The following LACTB2 variants were observed in gnomAD, a reference collection of about 807,000 sequenced individuals.
The protein encoded by LACTB2 is endoribonuclease LACTB2.
A neutral mutation model predicts 34.8 loss-of-function variants in LACTB2; 32 were observed. The ratio of observed to expected loss-of-function variants is 0.92; its 90% CI spans 0.69 to 1.24. The LOEUF (loss-of-function observed/expected upper bound fraction) is 1.24, where lower values mean the gene tolerates loss of function less well. Among genes scored for constraint, LACTB2 ranks in the 50% most tolerant of loss-of-function variants. The pLI, the probability that LACTB2 is intolerant of heterozygous loss-of-function variation, is 0.00. For synonymous variants in LACTB2, 120 were observed against 117.5 expected, an observed-to-expected ratio of 1.02 and a Z score of -0.14; for missense variants, 320 against 345.0, an observed-to-expected ratio of 0.93 and a Z score of 0.57.
At chr8:70,646,901 G>A (rs1207057659) in intron 3 of LACTB2, among the ~76,000 whole-genome samples, 1 of 152,126 alleles carries the variant, frequency 6.6e-6, no homozygotes, top group Non-Finnish European at 1.5e-5. Context: ...TACCTCACAA[G>A]GTTATGAGTT....
Position 70,649,648 on chromosome 8 carries a change from T to C in LACTB2, c.414-5405A>G, listed in dbSNP as rs527339179. Among the ~76,000 whole-genome samples, 7 of 152,272 alleles carry C rather than the reference T, an allele frequency of 4.6e-5. 1 individual carries two copies. The South Asian group carries it at 1.5e-3, about 32-fold the overall frequency. On this transcript the variant is annotated intron_variant, in intron 3 of 6. Coordinates refer to ENST00000276590, the MANE Select transcript of LACTB2 (RefSeq NM_016027.3). ...AAGTGGGAGAAGAGGAAAACCCAAT[T>C]CTAATTTTTTCTTAGTGGAAAGTTA...
chr8:70,645,790 C>T (rs1818257076), intron 3 of LACTB2, among the ~76,000 whole-genome samples: 1 of 151,832 alleles, frequency 6.6e-6, no homozygotes, highest in Admixed American at 6.6e-5. Flanking sequence ...TGATGGTTTC[C>T]AGCTTCATCC....
intron 3 of LACTB2, among the ~76,000 whole-genome samples, chr8:70,651,458 G>A (rs1425723860): frequency 1.3e-5 from 2 of 152,094 alleles, no homozygotes; most frequent in Non-Finnish European, 2.9e-5. Flanking sequence ...TTTGTGTGGC[G>A]ATGTGTCATA....
At chr8:70,657,259 G>A (rs1462910538) in intron 3 of LACTB2, among the ~76,000 whole-genome samples, 2 of 151,946 alleles carry the variant, frequency 1.3e-5, no homozygotes, top group African/African-American at 2.4e-5. Context: ...TTAAAACAAT[G>A]GTAATCATAT....
chr8:70,641,179 G>A (rs932169109), intron 4 of LACTB2, 129 bp from the exon 5 acceptor site: 13 of 843,818 alleles, frequency 1.5e-5, no homozygotes, highest in Admixed American at 3.9e-5. Flanking sequence ...TGTCAAATAT[G>A]AACTATTTGG....
chr8:70,640,966 G>T lies in LACTB2; in HGVS notation c.677C>A (p.Thr226Lys). The T allele has an allele frequency of 1.2e-6, 2 of 1,609,272 alleles. No individual in the cohort carries two copies. Among genetic ancestry groups the T allele is most frequent in the Non-Finnish European group, 1.7e-6 (2 of 1,178,510 alleles). Residue 226 changes from threonine (T) to lysine (K), a missense_variant, in exon 5 of 7, where the codon ACA (threonine) becomes AAA (lysine). Thr to Lys is a moderately conservative substitution (Grantham distance 78). Transcript: ENST00000276590. ...TTTCTCAAAGTTCTCACGAAATAAT[G>T]TAAGAATTTGCTGCTCTCGAATATT... ...HRNIREQQILTLFRENFEKSF... is the reference protein window; with the variant it reads ...HRNIREQQILKLFRENFEKSF...
At chr8:70,645,087 T>C (rs968670794) in intron 3 of LACTB2, among the ~76,000 whole-genome samples, 3 of 152,000 alleles carry the variant, frequency 2.0e-5, no homozygotes, top group Non-Finnish European at 2.9e-5. Context: ...CATATACACA[T>C]ATATACATAT....
chr8:70,637,579 A>C lies in LACTB2; in HGVS notation c.*281T>G, dbSNP rs1438470654. The C allele has an allele frequency of 1.5e-5, 3 of 194,074 alleles. No individual in the cohort carries two copies. Among genetic ancestry groups the C allele is most frequent in the Non-Finnish European group, 3.1e-5 (3 of 95,712 alleles). The allele number at this position is 194,074 out of a possible 1,614,324, so 12.0% of individuals were successfully genotyped here. The stretch of plus-strand genomic sequence containing the variant: ...AACTTTAAATTAGATAAATTTTATT[A>C]TTTTTAAAGTAATCATTTTATTTAA... On this transcript the variant is annotated 3_prime_UTR_variant, in exon 7 of 7. Transcript: ENST00000276590.
intron 3 of LACTB2, among the ~76,000 whole-genome samples, chr8:70,651,449 T>C (rs2132074573): frequency 6.6e-6 from 1 of 152,298 alleles, no homozygotes; most frequent in Admixed American, 6.5e-5. Context: ...ACATGTGTCT[T>C]TGTGTGGCGA....
intron 1 of LACTB2, among the ~76,000 whole-genome samples, chr8:70,664,165 A>G (rs934718448): frequency 3.3e-5 from 5 of 152,172 alleles, no homozygotes; most frequent in Admixed American, 6.5e-5. Context: ...GGTCCTCACA[A>G]AAAGAATACT....
At chr8:70,643,933 A>T (rs1246388304) in intron 4 of LACTB2, 132 bp downstream of exon 4, 6 of 855,852 alleles carry the variant, frequency 7.0e-6, no homozygotes, top group East Asian at 3.1e-5. Context: ...ATGCCTGTAT[A>T]CCCAGCGCTT....
chr8:70,660,318 A>G (rs1162432406), intron 2 of LACTB2: 1 of 293,142 alleles, frequency 3.4e-6, no homozygotes, highest in Non-Finnish European at 6.6e-6. Context: ...GACAAAATTA[A>G]AAGAGGTAAG....
intron 1 of LACTB2, among the ~76,000 whole-genome samples, chr8:70,665,577 C>G (rs140905658): frequency 6.6e-6 from 1 of 152,160 alleles, no homozygotes; most frequent in Non-Finnish European, 1.5e-5. Flanking sequence ...ATGTTTTCCA[C>G]GTGCTAGAAC....
At chr8:70,668,102 C>T (rs1291541626) in intron 1 of LACTB2, among the ~76,000 whole-genome samples, 2 of 152,302 alleles carry the variant, frequency 1.3e-5, no homozygotes, top group African/African-American at 4.8e-5. Context: ...TTCTAAAATT[C>T]TTATTTACTG....
At chr8:70,654,263 T>A (rs1262815293) in intron 3 of LACTB2, among the ~76,000 whole-genome samples, 1 of 152,124 alleles carries the variant, frequency 6.6e-6, no homozygotes, top group Non-Finnish European at 1.5e-5. Context: ...AGGGGTGATA[T>A]AAACAAAAAC....
At chr8:70,638,753 T>G in intron 5 of LACTB2, 124 bp from the exon 6 acceptor site, 1 of 870,440 alleles carries the variant, frequency 1.1e-6, no homozygotes, top group Non-Finnish European at 1.6e-6. Flanking sequence ...CATTTTTTTT[T>G]TTTTTTGAGA....
chr8:70,644,269 A>G (rs1347509967), intron 3 of LACTB2, 26 bp from the exon 4 acceptor site: 2 of 1,464,704 alleles, frequency 1.4e-6, no homozygotes, highest in South Asian at 1.5e-5. Flanking sequence ...AATAAGGAAT[A>G]ATAACAATTA....
intron 5 of LACTB2, among the ~76,000 whole-genome samples, chr8:70,639,406 C>T (rs886344520): frequency 6.7e-5 from 10 of 148,284 alleles, no homozygotes; most frequent in South Asian, 2.2e-4. Context: ...GTGATCCGCC[C>T]GCCTCGGCCT....
intron 2 of LACTB2, 120 bp from the exon 3 acceptor site, chr8:70,658,002 A>G (rs1422604313): frequency 2.8e-5 from 16 of 571,288 alleles, no homozygotes; most frequent in Non-Finnish European, 4.6e-5. Flanking sequence ...ATTAAGAGAC[A>G]ACAGAAAATG....
Sources: gnomAD v4.1 joint callset for allele counts (sites outside exome capture counted in the v4.1 genomes callset) on GRCh38, gnomAD v4.1.1 for gene constraint, MANE v1.5 for transcripts, NCBI Gene and HGNC (gene_info 2026-07-23, HGNC 2026-07-21) for gene names.